GALNT17: variants seen among roughly 807,000 people sequenced by gnomAD.
GALNT17 encodes the protein polypeptide N-acetylgalactosaminyltransferase 17.
In GALNT17, 29 loss-of-function variants were observed where a neutral mutation model predicts 63.7. The ratio of observed to expected loss-of-function variants is 0.46; its 90% CI spans 0.34 to 0.62. The LOEUF (loss-of-function observed/expected upper bound fraction) is 0.62, where lower values mean the gene tolerates loss of function less well. Ranked by LOEUF, GALNT17 falls within the 20% of genes least tolerant of loss-of-function variation. The probability of loss-of-function intolerance (pLI) is 0.01; values close to 1 mark genes in which losing one functional copy is unlikely to be tolerated. For missense variants in GALNT17, 603 were observed against 799.6 expected (o/e 0.75, Z 2.97); for synonymous variants, 305 against 318.3 (o/e 0.96, Z 0.45).
intron 1 of GALNT17, among the ~76,000 whole-genome samples, chr7:71,222,839 G>A (rs1789612097): frequency 6.6e-6 from 1 of 152,188 alleles, no homozygotes; most frequent in South Asian, 2.1e-4. Flanking sequence ...GGGAGACCAA[G>A]TTGGGAGGGT....
intron 1 of GALNT17, among the ~76,000 whole-genome samples, chr7:71,198,042 A>G (rs1471780072): frequency 2.6e-5 from 4 of 151,848 alleles, no homozygotes; most frequent in Non-Finnish European, 5.9e-5. Context: ...CTCAAATTAC[A>G]AAAAAATTAG....
intron 5 of GALNT17, among the ~76,000 whole-genome samples, chr7:71,457,409 A>G (rs1421441001): frequency 6.6e-6 from 1 of 152,176 alleles, no homozygotes; most frequent in Non-Finnish European, 1.5e-5. Flanking sequence ...CCCAAGAGAG[A>G]GTTCTTGGAT....
chr7:71,566,020 T>G (rs896445837), intron 5 of GALNT17, among the ~76,000 whole-genome samples: 5 of 150,104 alleles, frequency 3.3e-5, no homozygotes, highest in Admixed American at 6.7e-5. Flanking sequence ...ATTTTGTGGG[T>G]TTTGTTTGTT....
chr7:71,490,378 G>C (rs1787987406), intron 5 of GALNT17, among the ~76,000 whole-genome samples: 1 of 152,114 alleles, frequency 6.6e-6, no homozygotes, highest in Non-Finnish European at 1.5e-5. Flanking sequence ...TGCCATACAG[G>C]GTCATTCTTA....
chr7:71,343,551 A>G (rs1331802064), intron 2 of GALNT17, among the ~76,000 whole-genome samples: 1 of 152,210 alleles, frequency 6.6e-6, no homozygotes, highest in Non-Finnish European at 1.5e-5. Context: ...TCCACTGGAC[A>G]GATATTTTAA....
chr7:71,577,069 G>C (rs1389735366), intron 6 of GALNT17, among the ~76,000 whole-genome samples: 1 of 152,180 alleles, frequency 6.6e-6, no homozygotes, highest in East Asian at 1.9e-4. Flanking sequence ...CAGCAACATG[G>C]ATACAGTGAA....
intron 5 of GALNT17, among the ~76,000 whole-genome samples, chr7:71,535,719 A>C (rs188261228): frequency 1.8e-4 from 28 of 152,310 alleles, no homozygotes; most frequent in African/African-American, 6.5e-4. Flanking sequence ...TGTGTTAGGA[A>C]GAGTGGCTAA....
intron 5 of GALNT17, among the ~76,000 whole-genome samples, chr7:71,532,633 T>G (rs1788739011): frequency 6.6e-6 from 1 of 152,194 alleles, no homozygotes; most frequent in Non-Finnish European, 1.5e-5. Context: ...CTTTGCTAAT[T>G]GGTCTCTTTC....
chr7:71,633,224 C>T (rs1408577979), intron 6 of GALNT17, among the ~76,000 whole-genome samples: 2 of 152,056 alleles, frequency 1.3e-5, no homozygotes, highest in African/African-American at 4.8e-5. Context: ...ATAGTCCCTG[C>T]CATTCTCACT....
chr7:71,305,789 A>G (rs1022308200), intron 1 of GALNT17, among the ~76,000 whole-genome samples: 2 of 152,218 alleles, frequency 1.3e-5, no homozygotes, highest in African/African-American at 4.8e-5. Context: ...TACTAACTCC[A>G]CGGACTGGCC....
At chr7:71,295,528 T>C (rs569213388) in intron 1 of GALNT17, among the ~76,000 whole-genome samples, 1 of 151,628 alleles carries the variant, frequency 6.6e-6, no homozygotes, top group Non-Finnish European at 1.5e-5. Context: ...CTCTCTCCCT[T>C]CCTTCCTTTC....
intron 5 of GALNT17, among the ~76,000 whole-genome samples, chr7:71,568,049 C>A (rs1789378156): frequency 6.6e-6 from 1 of 152,218 alleles, no homozygotes; most frequent in Non-Finnish European, 1.5e-5. Context: ...CTAATAGCTT[C>A]CTGGTGGCCC....
chr7:71,503,676 A>G (rs1192684063), intron 5 of GALNT17, among the ~76,000 whole-genome samples: 2 of 152,204 alleles, frequency 1.3e-5, no homozygotes. Context: ...TCTGCCTTGC[A>G]GGTTCATGAG....
intron 7 of GALNT17, among the ~76,000 whole-genome samples, chr7:71,667,808 T>G (rs1219033860): frequency 6.6e-6 from 1 of 151,532 alleles, no homozygotes; most frequent in Non-Finnish European, 1.5e-5. Flanking sequence ...AAGGGGAATT[T>G]TTTTTTTTTG....
rs183744026 is a variant in GALNT17 at position 71,472,443 on chromosome 7, C to T, written c.962+51338C>T. 9.2e-5 allele frequency among the ~76,000 whole-genome samples: 14 copies of T among 152,276 alleles called. No homozygotes were observed. In the East Asian group the frequency reaches 2.7e-3, roughly 29 times the overall value. On this transcript the variant is annotated intron_variant, in intron 5 of 10. Coordinates refer to ENST00000333538, the MANE Select transcript of GALNT17 (RefSeq NM_022479.3). ...GTGGCTCATGCCTGTAATCCTGGCA[C>T]TTTGGGAGACCAAGGCAGGCTGATC...
intron 1 of GALNT17, among the ~76,000 whole-genome samples, chr7:71,191,368 A>ATTTTTTTTTTTTTT (rs1788949276): frequency 7.0e-6 from 1 of 142,320 alleles, no homozygotes; most frequent in African/African-American, 2.7e-5. Flanking sequence ...TTTTTTTTGC[A>ATTTTTTTTTTTTTT]TTTTTCTCAA....
chr7:71,364,412 A>G (rs979327631), intron 2 of GALNT17, among the ~76,000 whole-genome samples: 2 of 152,124 alleles, frequency 1.3e-5, no homozygotes, highest in Non-Finnish European at 2.9e-5. Context: ...CCCTCCACCA[A>G]TATCCTGCTG....
At chr7:71,697,605 C>G (rs1246226094) in intron 9 of GALNT17, among the ~76,000 whole-genome samples, 1 of 152,132 alleles carries the variant, frequency 6.6e-6, no homozygotes, top group Admixed American at 6.6e-5. Context: ...TCTCCTCCCA[C>G]TAGCAGGATT....
chr7:71,383,404 A>C (rs886423512), intron 2 of GALNT17, among the ~76,000 whole-genome samples: 1 of 152,226 alleles, frequency 6.6e-6, no homozygotes, highest in Non-Finnish European at 1.5e-5. Flanking sequence ...TATAAATGTC[A>C]TGTAAATAAT....
Sources: gnomAD v4.1 joint callset for allele counts (sites outside exome capture counted in the v4.1 genomes callset) on GRCh38, gnomAD v4.1.1 for gene constraint, MANE v1.5 for transcripts, NCBI Gene and HGNC (gene_info 2026-07-23, HGNC 2026-07-21) for gene names.